Variants in P2RX7 observed in about 807,000 individuals in gnomAD.
The protein encoded by P2RX7 is purinergic receptor P2X 7, also known as P2X purinoceptor 7.
In P2RX7, 62 loss-of-function variants were observed where a neutral mutation model predicts 71.6. The observed-to-expected ratio is 0.87, with a 90% CI of 0.71 to 1.07. The LOEUF is 1.07. P2RX7 is among the 50% of genes least tolerant of loss of function. The pLI is 0.00. For synonymous variants in P2RX7, 299 were observed against 283.3 expected (o/e 1.06, Z -0.56); for missense variants, 686 against 748.5 (o/e 0.92, Z 0.97).
At chr12:121,179,367 G>A (rs1883718385) in intron 11 of P2RX7, among the ~76,000 whole-genome samples, 1 of 151,942 alleles carries the variant, frequency 6.6e-6, no homozygotes, top group Non-Finnish European at 1.5e-5. Context: ...AGGCATGGTG[G>A]CGCATGCCTG....
chr12:121,168,321 C>T (rs563516890), intron 8 of P2RX7, among the ~76,000 whole-genome samples: 4 of 150,920 alleles, frequency 2.7e-5, no homozygotes, highest in Admixed American at 2.0e-4. Flanking sequence ...CTTGCCCAGG[C>T]TGGAGTGCAG....
chr12:121,154,888 G>C lies in P2RX7; in HGVS notation c.229G>C (p.Glu77Gln). 6.2e-7 allele frequency: 1 copy of C among 1,614,176 alleles called. No homozygotes were observed. The highest frequency in any genetic ancestry group is 8.5e-7 in the Non-Finnish European group (1 of 1,180,000). ...AGCAGAGGTGAAAGAGGAGATCGTG[G>C]AGAATGGAGTGAAGAAGTTGGTGCA... ...GIAEVKEEIVENGVKKLVHSV... is the reference protein window; with the variant it reads ...GIAEVKEEIVQNGVKKLVHSV... The change falls in exon 2 of 13, where the codon GAG (glutamate) becomes CAG (glutamine). Residue 77 changes from glutamate to glutamine, a missense_variant. Transcript: ENST00000328963. This position sits in a 1 kb window ranked among gnomAD's most constrained non-coding sequence, Gnocchi z 4.2.
chr12:121,173,978 G>A lies in P2RX7; in HGVS notation c.882-1410G>A, dbSNP rs900400839. ...GATTACACCACTGCACTCCAGCCTG[G>A]TTGAAGGAATGAGATCCTGATTCTA... On this transcript the variant is annotated intron_variant, in intron 8 of 12. Coordinates refer to ENST00000328963, the MANE Select transcript of P2RX7 (RefSeq NM_002562.6). Among the ~76,000 whole-genome samples the A allele has an allele frequency of 8.6e-5, 13 of 151,794 alleles. No homozygotes were observed. The South Asian group carries it at 2.3e-3, about 27-fold the overall frequency.
At chr12:121,136,647 C>CTTTTTTTTTTTTTTTT (rs66894143) in intron 1 of P2RX7, among the ~76,000 whole-genome samples, 2 of 119,252 alleles carry the variant, frequency 1.7e-5, no homozygotes, top group Admixed American at 8.6e-5. Flanking sequence ...TTCTTTCTTT[C>CTTTTTTTTTTTTTTTT]TTTTTTTTTT....
intron 4 of P2RX7, chr12:121,162,220 A>G: frequency 5.1e-6 from 7 of 1,368,622 alleles, no homozygotes; most frequent in South Asian, 1.6e-5. Context: ...GTTCTCTCTG[A>G]TCTTTATTAT....
In P2RX7 at chr12:121,175,322, A is replaced by AAC. The variant is rs1555229274; in HGVS notation, c.882-65_882-64insCA. On this transcript the variant is annotated intron_variant, in intron 8 of 12. Transcript: ENST00000328963. ...TGAGACCCTGTCTCAAAAAAAAAAA[A>AAC]AAAAAAACCCAAAACCCAGCACTTT... 13 of 996,496 alleles carry AAC rather than the reference A, an allele frequency of 1.3e-5. No homozygotes were observed. In the African/African-American group the frequency reaches 1.5e-4, roughly 12 times the overall value. 61.7% of individuals were successfully genotyped at this position (996,496 alleles called of 1,614,324 possible). A position where few individuals can be genotyped will look rare whatever the true frequency, so the allele number is the denominator to read the frequency against.
chr12:121,167,639 C>T lies in P2RX7; in HGVS notation c.881+15C>T, dbSNP rs1456513491. 3.3e-6 allele frequency: 5 copies of T among 1,527,980 alleles called. No individual in the cohort carries two copies. Among genetic ancestry groups the T allele is most frequent in the Non-Finnish European group, 4.4e-6 (5 of 1,135,090 alleles). The allele number at this position is 1,527,980 out of a possible 1,614,324, so 94.7% of individuals were successfully genotyped here. A position where few individuals can be genotyped will look rare whatever the true frequency, so the allele number is the denominator to read the frequency against. ...TACAACTTCAGGTAACTCCAAGGCC[C>T]AGGTCAAACTCACCCAGTGGCTGAA... On this transcript the variant is annotated intron_variant, in intron 8 of 12. Transcript: ENST00000328963.
chr12:121,133,416 A>C (rs533364438), intron 1 of P2RX7, among the ~76,000 whole-genome samples: 1 of 152,314 alleles, frequency 6.6e-6, no homozygotes, highest in Non-Finnish European at 1.5e-5. Context: ...GGAGGCGAGG[A>C]TCTCAGGGCA....
chr12:121,155,955 C>A (rs956174518), intron 2 of P2RX7, 124 bp from the exon 3 acceptor site: 25 of 847,474 alleles, frequency 2.9e-5, no homozygotes, highest in Admixed American at 2.3e-4. Context: ...TCCAAGTTGC[C>A]CACAGATCCT....
chr12:121,183,950 A>G (rs1884558509), intron 12 of P2RX7, among the ~76,000 whole-genome samples: 2 of 152,074 alleles, frequency 1.3e-5, no homozygotes, highest in African/African-American at 4.8e-5. Context: ...CTGTAATACC[A>G]GCTACTTAGG....
In P2RX7 at chr12:121,180,712, C is replaced by T. The variant is rs369331910; in HGVS notation, c.1290+257C>T. 1.6e-3 allele frequency among the ~76,000 whole-genome samples: 237 copies of T among 152,160 alleles called. 3 individuals are homozygous for T. The highest frequency in any genetic ancestry group is 5.5e-3 in the African/African-American group (230 of 41,514). On this transcript the variant is annotated intron_variant, in intron 12 of 12. Transcript: ENST00000328963. ...GCACGGTGGCTCACACCTGCAATCC[C>T]AGCACTTTGGGAGGCCAAGGTGGGT...
intron 1 of P2RX7, among the ~76,000 whole-genome samples, chr12:121,148,675 A>G (rs2136018568): frequency 6.6e-6 from 1 of 152,208 alleles, no homozygotes; most frequent in South Asian, 2.1e-4. Flanking sequence ...AACTAATACA[A>G]TCGGGATTAA....
chr12:121,176,089 A>G (rs1477450151), intron 9 of P2RX7, among the ~76,000 whole-genome samples: 3 of 152,152 alleles, frequency 2.0e-5, no homozygotes, highest in African/African-American at 7.2e-5. Context: ...ATTGGCTCTG[A>G]TTGGCCCACT....
intron 1 of P2RX7, among the ~76,000 whole-genome samples, chr12:121,134,634 C>T (rs188461187): frequency 1.9e-4 from 29 of 152,252 alleles, no homozygotes; most frequent in Admixed American, 7.9e-4. Context: ...TCAAGTGATC[C>T]GCCCACCTTG....
At chr12:121,137,827 C>A (rs1171836874) in intron 1 of P2RX7, among the ~76,000 whole-genome samples, 1 of 152,204 alleles carries the variant, frequency 6.6e-6, no homozygotes, top group Non-Finnish European at 1.5e-5. Context: ...GATACAGCAG[C>A]AAGTGACAGG....
Position 121,184,379 on chromosome 12 carries a change from A to G in P2RX7, c.1365A>G (p.Gln455=). 3 of 1,614,112 alleles carry G rather than the reference A, an allele frequency of 1.9e-6. No homozygotes were observed. The highest frequency in any genetic ancestry group is 2.2e-5 in the South Asian group (2 of 91,080). ...ALHDTPPIPG[Q]PEEIQLLRKE... Reference sequence around the variant, plus strand: ...ATGACACACCCCCGATTCCTGGACAACCAGAGGAGATACAGCTGCTTAGAA... The same window carrying G: ...ATGACACACCCCCGATTCCTGGACAGCCAGAGGAGATACAGCTGCTTAGAA... Residue 455 remains glutamine (Q), a synonymous_variant, in exon 13 of 13, where the codon CAA becomes CAG. Transcript: ENST00000328963.
intron 11 of P2RX7, among the ~76,000 whole-genome samples, chr12:121,179,296 C>A (rs2136153683): frequency 6.6e-6 from 1 of 152,044 alleles, no homozygotes; most frequent in South Asian, 2.1e-4. Context: ...GTCAGGAGTT[C>A]AAAACCAGCC....
At chr12:121,134,404 G>A (rs1454355695) in intron 1 of P2RX7, among the ~76,000 whole-genome samples, 1 of 151,874 alleles carries the variant, frequency 6.6e-6, no homozygotes, top group African/African-American at 2.4e-5. Flanking sequence ...TTTTGTTTTT[G>A]TCTTTGAGAT....
chr12:121,140,640 T>C (rs1325305123), intron 1 of P2RX7, among the ~76,000 whole-genome samples: 1 of 152,120 alleles, frequency 6.6e-6, no homozygotes, highest in African/African-American at 2.4e-5. Flanking sequence ...TTTACCAACC[T>C]GAAGAAGACC....
Sources: allele counts gnomAD v4.1 joint callset (sites outside exome capture counted in the v4.1 genomes callset), GRCh38; gene constraint gnomAD v4.1.1; non-coding constraint Gnocchi (gnomAD v3.1); transcripts MANE v1.5; gene names NCBI Gene and HGNC (gene_info 2026-07-23, HGNC 2026-07-21).